TRPM8: variants seen among roughly 807,000 people sequenced by gnomAD.
TRPM8 encodes TRPM8 cationic channel.
Under a neutral mutation model 133.7 loss-of-function variants are expected in TRPM8, and 110 were observed. That is an observed-to-expected ratio of 0.82 (90% confidence interval 0.70 to 0.96). TRPM8 has a LOEUF of 0.96. TRPM8 is among the 40% of genes least tolerant of loss of function. TRPM8 has a pLI of 0.00. For missense variants in TRPM8, 1,291 were observed against 1,379.5 expected (o/e 0.94, Z 1.02); for synonymous variants, 535 against 532.3 (o/e 1.01, Z -0.07).
chr2:233,942,071 C>CTGTTT (rs1553656129), intron 5 of TRPM8, among the ~76,000 whole-genome samples: 3,055 of 111,524 alleles, frequency 0.027, 462 homozygotes, highest in African/African-American at 0.11. Context: ...GGTCAAGAAT[C>CTGTTT]TTTTTTTTTT....
chr2:233,998,326 G>A (rs979635192), intron 22 of TRPM8, among the ~76,000 whole-genome samples: 1 of 152,160 alleles, frequency 6.6e-6, no homozygotes, highest in Non-Finnish European at 1.5e-5. Context: ...CACCAACTAA[G>A]TCATACAATA....
chr2:233,922,775 A>G (rs1472762619), intron 1 of TRPM8, among the ~76,000 whole-genome samples: 2 of 152,140 alleles, frequency 1.3e-5, no homozygotes, highest in Non-Finnish European at 2.9e-5. Context: ...ATTTTCTTCT[A>G]GTTTATAGTG....
intron 11 of TRPM8, among the ~76,000 whole-genome samples, chr2:233,957,316 C>T (rs1346902080): frequency 7.0e-6 from 1 of 143,474 alleles, no homozygotes; most frequent in Admixed American, 6.6e-5. Flanking sequence ...CAAAACCCCA[C>T]CTCTGCCCCC....
intron 2 of TRPM8, among the ~76,000 whole-genome samples, chr2:233,928,268 C>T (rs972007636): frequency 1.3e-5 from 2 of 152,054 alleles, no homozygotes; most frequent in African/African-American, 2.4e-5. Context: ...TGCGCCTGGC[C>T]GAGGCTGACT....
intron 2 of TRPM8, among the ~76,000 whole-genome samples, chr2:233,927,918 C>CTT (rs1691592702): frequency 7.1e-4 from 28 of 39,332 alleles, no homozygotes; most frequent in East Asian, 2.0e-3. Context: ...TTCTCTCTCT[C>CTT]TCTCTTTCTC....
chr2:233,934,427 T>C (rs2125066570), intron 3 of TRPM8, among the ~76,000 whole-genome samples: 1 of 152,358 alleles, frequency 6.6e-6, no homozygotes, highest in Non-Finnish European at 1.5e-5. Flanking sequence ...CTTCCCATCC[T>C]TGAGCCTGTC....
chr2:233,945,095 C>T (rs1000837563), intron 6 of TRPM8, among the ~76,000 whole-genome samples: 4 of 152,046 alleles, frequency 2.6e-5, no homozygotes, highest in African/African-American at 7.2e-5. Context: ...TTTTTTCCTT[C>T]TGTTCTCCTT....
intron 17 of TRPM8, among the ~76,000 whole-genome samples, chr2:233,971,487 TC>T: frequency 6.6e-6 from 1 of 152,284 alleles, no homozygotes; most frequent in Non-Finnish European, 1.5e-5. Flanking sequence ...TGTCTGACTT[TC>T]CTTGCCTAGT....
chr2:234,003,363 AT>A (rs1692616459), intron 22 of TRPM8, among the ~76,000 whole-genome samples: 1 of 152,258 alleles, frequency 6.6e-6, no homozygotes, highest in Admixed American at 6.5e-5. Flanking sequence ...TGTTTTGACA[AT>A]TTGGATAAGT....
chr2:233,993,702 G>T (rs1692337569), intron 21 of TRPM8, among the ~76,000 whole-genome samples: 1 of 152,274 alleles, frequency 6.6e-6, no homozygotes, highest in South Asian at 2.1e-4. Flanking sequence ...TTCCTACTTG[G>T]ACTCTTGTGG....
At chr2:233,965,368 C>G (rs530703699) in intron 14 of TRPM8, among the ~76,000 whole-genome samples, 1 of 152,178 alleles carries the variant, frequency 6.6e-6, no homozygotes, top group Non-Finnish European at 1.5e-5. Flanking sequence ...CTGGAGTGGA[C>G]GATACTGCAC....
intron 11 of TRPM8, among the ~76,000 whole-genome samples, chr2:233,958,000 C>T (rs1201302868): frequency 6.6e-6 from 1 of 152,174 alleles, no homozygotes; most frequent in Non-Finnish European, 1.5e-5. Context: ...ACATATGAAG[C>T]ATTATTTGTT....
chr2:233,996,355 A>G lies in TRPM8; in HGVS notation c.2969A>G (p.Asn990Ser). The change falls in exon 22 of 26, where the codon AAT becomes AGT. Residue 990 changes from asparagine (N) to serine (S), a missense_variant. By Grantham distance (46) the Asn-to-Ser change is conservative (BLOSUM62 1). This residue lies in a region of TRPM8 where 328 missense variants were observed against 410.6 expected (regional missense o/e 0.80). Coordinates refer to ENST00000324695, the MANE Select transcript of TRPM8 (RefSeq NM_024080.5). ...GYTVGTVQENNDQVWKFQRYF... is the reference protein window; with the variant it reads ...GYTVGTVQENSDQVWKFQRYF... ...ACGGTGGGCACCGTCCAGGAGAACA[A>G]TGACCAGGTCTGGAAGTTCCAGAGG... The G allele has an allele frequency of 1.2e-6, 2 of 1,614,174 alleles. No individual in the cohort carries two copies. Among genetic ancestry groups the G allele is most frequent in the Admixed American group, 1.7e-5 (1 of 60,030 alleles).
intron 11 of TRPM8, among the ~76,000 whole-genome samples, chr2:233,957,587 A>C (rs1051030790): frequency 2.0e-5 from 3 of 152,248 alleles, no homozygotes; most frequent in African/African-American, 7.2e-5. Flanking sequence ...AGAATATAGA[A>C]TATAGAATTA....
chr2:233,918,012 G>T (rs1254402549), intron 1 of TRPM8, among the ~76,000 whole-genome samples: 1 of 152,292 alleles, frequency 6.6e-6, no homozygotes, highest in African/African-American at 2.4e-5. Context: ...AAGCAAGAGA[G>T]AAACACTGAA....
rs1318289806 is a variant in TRPM8 at position 233,978,623 on chromosome 2, TAAA to T, written c.2356-1562_2356-1560del. ...CAAATGACATCACTCTGTTCCTTTT[TAAA>T]AACATGATTGTAGTATATTCAATAT... is the stretch of plus-strand genomic sequence containing the variant. On this transcript the variant is annotated intron_variant, in intron 17 of 25. Transcript: ENST00000324695. 2.6e-5 allele frequency among the ~76,000 whole-genome samples: 4 copies of T among 152,360 alleles called. No individual in the cohort carries two copies. In the East Asian group the frequency reaches 7.7e-4, roughly 29 times the overall value.
In TRPM8 at chr2:234,017,925, T is replaced by A. The variant is rs1692996096; in HGVS notation, c.*669T>A. 1 of 152,192 alleles carries A rather than the reference T, an allele frequency of 6.6e-6. No homozygotes were observed. Among genetic ancestry groups the A allele is most frequent in the Admixed American group, 6.5e-5 (1 of 15,276 alleles). 9.4% of individuals were successfully genotyped at this position (152,192 alleles called of 1,614,324 possible). ...CCCCCATTCCTAAATATGTGAAAAG[T>A]CGCCCAAAATGCAACCTTGAAAGGC... is the stretch of plus-strand genomic sequence containing the variant. On this transcript the variant is annotated 3_prime_UTR_variant, in exon 26 of 26. Transcript: ENST00000324695.
At chr2:234,008,151 A>C in intron 24 of TRPM8, 48 bp downstream of exon 24, 1 of 1,545,862 alleles carries the variant, frequency 6.5e-7, no homozygotes, top group Non-Finnish European at 8.7e-7. Flanking sequence ...TTGGTCACTA[A>C]TACTTTGAGC....
intron 22 of TRPM8, among the ~76,000 whole-genome samples, chr2:234,005,460 T>C (rs1463164653): frequency 2.0e-5 from 3 of 152,238 alleles, no homozygotes; most frequent in African/African-American, 7.2e-5. Flanking sequence ...TGCTGATTTT[T>C]AAGCACTCCT....
Sources: allele counts gnomAD v4.1 joint callset (sites outside exome capture counted in the v4.1 genomes callset), GRCh38; gene constraint gnomAD v4.1.1; regional missense constraint gnomAD v4.1.1; transcripts MANE v1.5; gene names NCBI Gene and HGNC (gene_info 2026-07-23, HGNC 2026-07-21).